Variants in FBXL22 observed in about 807,000 individuals in gnomAD.
FBXL22 encodes the protein F-box and leucine-rich protein 22.
In FBXL22, 13 loss-of-function variants were observed where a neutral mutation model predicts 11.7. That is an observed-to-expected ratio of 1.11 (90% CI 0.73 to 1.77). FBXL22 has a LOEUF of 1.77. Among genes scored for constraint, FBXL22 ranks in the 40% most tolerant of loss-of-function variants. FBXL22 has a pLI of 0.00. For synonymous variants in FBXL22, 160 were observed against 144.1 expected, an observed-to-expected ratio of 1.11 and a Z score of -0.79; for missense variants, 406 against 320.4, an observed-to-expected ratio of 1.27 and a Z score of -2.04.
chr15:63,607,532 GC>G, the FBXL22 span, among the ~76,000 whole-genome samples: 1 of 152,232 alleles, frequency 6.6e-6, no homozygotes, highest in Non-Finnish European at 1.5e-5. Context: ...TCTAGTTGAA[GC>G]CTTTTTTCAA....
chr15:63,606,203 C>T (rs1422653704), downstream of FBXL22, among the ~76,000 whole-genome samples: 1 of 152,192 alleles, frequency 6.6e-6, no homozygotes, highest in Non-Finnish European at 1.5e-5. Context: ...ACTTTCCCTC[C>T]AGCTCTAGGA....
the FBXL22 span, among the ~76,000 whole-genome samples, chr15:63,607,630 CTTA>C: frequency 6.6e-6 from 1 of 152,222 alleles, no homozygotes; most frequent in East Asian, 1.9e-4. Context: ...CTGGCAAAAC[CTTA>C]TTTTTCTTTT....
At chr15:63,600,222 TAGGCC>T in intron 1 of FBXL22, 1 of 987,828 alleles carries the variant, frequency 1.0e-6, no homozygotes, top group Non-Finnish European at 1.2e-6. Context: ...GGCCTGTCAC[TAGGCC>T]ACCTCCAAGG....
the FBXL22 span, among the ~76,000 whole-genome samples, chr15:63,607,485 T>A: frequency 6.6e-6 from 1 of 152,188 alleles, no homozygotes; most frequent in Non-Finnish European, 1.5e-5. Flanking sequence ...ACTCCTGGGG[T>A]TCCCCCCAAA....
rs1435820737 is a variant in FBXL22, at chr15:63,597,650, C to G, written c.258C>G (p.Cys86Trp). Residue 86 changes from cysteine (C) to tryptophan (W), a missense_variant, in exon 1 of 2, where the codon TGC becomes TGG. By Grantham distance (215) the Cys-to-Trp change is radical. Coordinates refer to ENST00000638704, the MANE Select transcript of FBXL22 (RefSeq NM_001367807.1). This position sits in a 1 kb window ranked among gnomAD's most constrained non-coding sequence, Gnocchi z 4.3. ...ICWHSSRVQV[C>W]SIEDWLKSAF... Reference sequence around the variant, plus strand: ...GGCACTCCAGCCGCGTGCAGGTGTGCAGCATTGAGGACTGGCTCAAGAGTG... The same window carrying G: ...GGCACTCCAGCCGCGTGCAGGTGTGGAGCATTGAGGACTGGCTCAAGAGTG... The G allele has an allele frequency of 2.5e-6, 4 of 1,612,960 alleles. No individual in the cohort carries two copies. The highest frequency in any genetic ancestry group is 3.4e-6 in the Non-Finnish European group (4 of 1,179,984).
At position 63,600,768 on chromosome 15, in the gene FBXL22, T is replaced by A. The variant is rs953071071; in HGVS notation, c.425T>A (p.Leu142Gln). ...ACCGACGACTGCCTGGCGCGCCTGC[T>A]GCGCTGCTGCCCACGCCTGCGCGCA... ...HVTDDCLARL[L>Q]RCCPRLRALR... The change falls in exon 2 of 2, where the codon CTG becomes CAG. Residue 142 changes from leucine (L) to glutamine (Q), a missense_variant. Coordinates refer to ENST00000638704, the MANE Select transcript of FBXL22 (RefSeq NM_001367807.1). The A allele has an allele frequency of 8.1e-7, 1 of 1,231,358 alleles. No homozygotes were observed. Among genetic ancestry groups the A allele is most frequent in the African/African-American group, 1.6e-5 (1 of 64,508 alleles). The allele number at this position is 1,231,358 out of a possible 1,614,324, so 76.3% of individuals were successfully genotyped here.
Position 63,601,175 on chromosome 15 carries a change from A to C in FBXL22, c.*136A>C, listed in dbSNP as rs1305346072. The C allele has an allele frequency of 6.9e-7, 1 of 1,451,594 alleles. No homozygotes were observed. Among genetic ancestry groups the C allele is most frequent in the Non-Finnish European group, 9.0e-7 (1 of 1,110,034 alleles). 89.9% of individuals were successfully genotyped at this position (1,451,594 alleles called of 1,614,324 possible). A position where few individuals can be genotyped will look rare whatever the true frequency, so the allele number is the denominator to read the frequency against. ...CCCCGTCTGCACAGTGGGGATAAGA[A>C]AGCCTACCTCACGTTACGATTTTAT... On this transcript the variant is annotated 3_prime_UTR_variant, in exon 2 of 2. Coordinates refer to ENST00000638704, the MANE Select transcript of FBXL22 (RefSeq NM_001367807.1).
chr15:63,607,331 CTTTCT>C (rs1443114312), downstream of FBXL22, among the ~76,000 whole-genome samples: 1 of 152,216 alleles, frequency 6.6e-6, no homozygotes, highest in Admixed American at 6.5e-5. Flanking sequence ...AGGCGTGAGC[CTTTCT>C]TTTCTTAAAT....
In FBXL22 at chr15:63,601,208, A is replaced by G; in HGVS notation, c.*169A>G. On this transcript the variant is annotated 3_prime_UTR_variant, in exon 2 of 2. Transcript: ENST00000638704. ...CTCACGTTACGATTTTATACATAGGATAAACGCAAGATTAAATGGATATTT... is the reference window on the plus strand; with the variant it reads ...CTCACGTTACGATTTTATACATAGGGTAAACGCAAGATTAAATGGATATTT... The G allele has an allele frequency of 2.0e-6, 3 of 1,490,944 alleles. No individual in the cohort carries two copies. The highest frequency in any genetic ancestry group is 2.7e-6 in the Non-Finnish European group (3 of 1,127,708). The allele number at this position is 1,490,944 out of a possible 1,614,324, so 92.4% of individuals were successfully genotyped here. A position where few individuals can be genotyped will look rare whatever the true frequency, so the allele number is the denominator to read the frequency against.
chr15:63,601,401 C>G, downstream of FBXL22: 1 of 1,596,744 alleles, frequency 6.3e-7, no homozygotes, highest in Non-Finnish European at 8.5e-7. Context: ...GACCTGACCA[C>G]TCGGAGTTCG....
downstream of FBXL22, among the ~76,000 whole-genome samples, chr15:63,604,825 C>T (rs578123603): frequency 3.9e-5 from 6 of 152,256 alleles, no homozygotes; most frequent in Middle Eastern, 3.4e-3. Flanking sequence ...GAGGCCAAGG[C>T]GGGCGGATCA....
downstream of FBXL22, chr15:63,601,665 G>T: frequency 6.2e-7 from 1 of 1,608,098 alleles, no homozygotes. Flanking sequence ...CCTTTCCTGG[G>T]GCGGATGCGT....
At chr15:63,608,503 C>T in the FBXL22 span, 2 of 152,554 alleles carry the variant, frequency 1.3e-5, no homozygotes, top group African/African-American at 4.8e-5. Flanking sequence ...CTGAATGGGT[C>T]AAAAAGCCAT....
At chr15:63,601,419 G>A (rs543383828), downstream of FBXL22, 3 of 1,590,816 alleles carry the variant, frequency 1.9e-6, no homozygotes, top group South Asian at 3.4e-5. Flanking sequence ...TCGCCGACTT[G>A]CGCTCGGGGG....
chr15:63,604,159 CTG>C (rs1359080596), downstream of FBXL22, among the ~76,000 whole-genome samples: 1 of 152,188 alleles, frequency 6.6e-6, no homozygotes, highest in Non-Finnish European at 1.5e-5. Flanking sequence ...CTTTCTAGCT[CTG>C]TGACCAAGGA....
chr15:63,600,687 CT>C lies in FBXL22; in HGVS notation c.354-9del. ...CCAGTGAGCCCCGGGTCACCGCACTCTCCTCACAGGTGCCCCAACCTGGCGT... is the reference window on the plus strand; with the variant it reads ...CCAGTGAGCCCCGGGTCACCGCACTCCCTCACAGGTGCCCCAACCTGGCGT... On this transcript the variant is annotated splice_polypyrimidine_tract_variant and intron_variant, in intron 1 of 1. Coordinates refer to ENST00000638704, the MANE Select transcript of FBXL22 (RefSeq NM_001367807.1). 1 of 1,231,452 alleles carries C rather than the reference CT, an allele frequency of 8.1e-7. No homozygotes were observed. The highest frequency in any genetic ancestry group is 1.0e-6 in the Non-Finnish European group (1 of 987,752). 76.3% of individuals were successfully genotyped at this position (1,231,452 alleles called of 1,614,324 possible). A position where few individuals can be genotyped will look rare whatever the true frequency, so the allele number is the denominator to read the frequency against.
At chr15:63,599,447 G>A in intron 1 of FBXL22, 4 of 1,342,472 alleles carry the variant, frequency 3.0e-6, no homozygotes, top group Non-Finnish European at 3.8e-6. Context: ...GCAAGGTTCA[G>A]ACATCTGTCC....
downstream of FBXL22, among the ~76,000 whole-genome samples, chr15:63,604,440 G>A (rs1187225925): frequency 6.6e-6 from 1 of 152,134 alleles, no homozygotes; most frequent in Non-Finnish European, 1.5e-5. Context: ...AAGCAGTGCT[G>A]GCAGCTGTGT....
chr15:63,599,672 C>G (rs1002373984), intron 1 of FBXL22: 2 of 987,640 alleles, frequency 2.0e-6, no homozygotes, highest in African/African-American at 1.7e-5. Flanking sequence ...GCTGGCACAG[C>G]CAGGGGCAGT....
Sources: allele counts gnomAD v4.1 joint callset (sites outside exome capture counted in the v4.1 genomes callset), GRCh38; gene constraint gnomAD v4.1.1; non-coding constraint Gnocchi (gnomAD v3.1); transcripts MANE v1.5; gene names NCBI Gene and HGNC (gene_info 2026-07-23, HGNC 2026-07-21).